NUP88: variants seen among roughly 807,000 people sequenced by gnomAD.
NUP88 encodes nuclear pore complex protein Nup88.
NUP88 carries 57 observed loss-of-function variants against 93.9 expected under a neutral mutation model. The observed-to-expected ratio is 0.61, with a 90% CI of 0.49 to 0.76. NUP88 has a LOEUF of 0.76. Ranked by LOEUF, NUP88 falls within the 30% of genes least tolerant of loss-of-function variation. The probability of loss-of-function intolerance (pLI) is 0.00; values close to 1 mark genes in which losing one functional copy is unlikely to be tolerated. For missense variants in NUP88, 911 were observed against 901.0 expected (o/e 1.01, Z -0.14); for synonymous variants, 346 against 336.8 (o/e 1.03, Z -0.30).
rs74693108 is a variant in NUP88, at chr17:5,390,181, A to T, written c.1485-1221T>A. ...TCCGTCTCAAAAAAAAAAAAAAAAA[A>T]TATCCAGACAATTAATGTTTATTTT... On this transcript the variant is annotated intron_variant, in intron 10 of 16. Coordinates refer to ENST00000573584, the MANE Select transcript of NUP88 (RefSeq NM_002532.6). Among the ~76,000 whole-genome samples, 49 of 147,818 alleles carry T rather than the reference A, an allele frequency of 3.3e-4. 1 individual carries two copies. Among genetic ancestry groups the T allele is most frequent in the Non-Finnish European group, 2.8e-4 (19 of 67,284 alleles).
At chr17:5,398,055 C>T (rs947598778) in intron 8 of NUP88, among the ~76,000 whole-genome samples, 2 of 151,694 alleles carry the variant, frequency 1.3e-5, no homozygotes, top group Non-Finnish European at 2.9e-5. Flanking sequence ...TACAGGCATC[C>T]GCCACTATGC....
chr17:5,389,343 A>G (rs1912259646), intron 10 of NUP88, among the ~76,000 whole-genome samples: 1 of 152,260 alleles, frequency 6.6e-6, no homozygotes, highest in Admixed American at 6.5e-5. Context: ...AAACTGCTGT[A>G]TATACCATAT....
intron 9 of NUP88, among the ~76,000 whole-genome samples, chr17:5,394,178 C>G (rs1248298341): frequency 6.6e-6 from 1 of 152,066 alleles, no homozygotes; most frequent in Non-Finnish European, 1.5e-5. Flanking sequence ...ACTGTCAGCA[C>G]TGAAGCCATG....
At chr17:5,395,965 C>T (rs568870005) in intron 8 of NUP88, among the ~76,000 whole-genome samples, 2 of 152,264 alleles carry the variant, frequency 1.3e-5, no homozygotes, top group African/African-American at 4.8e-5. Context: ...ATTCCCAGCA[C>T]TTTCGGAGGC....
At chr17:5,399,718 G>T (rs1234379804) in intron 7 of NUP88, 68 bp from the exon 8 acceptor site, 1 of 778,334 alleles carries the variant, frequency 1.3e-6, no homozygotes, top group South Asian at 1.7e-5. Flanking sequence ...CCTCAAATTT[G>T]TTGGCTACTC....
At chr17:5,407,102 G>C (rs970455741) in intron 5 of NUP88, among the ~76,000 whole-genome samples, 2 of 152,160 alleles carry the variant, frequency 1.3e-5, no homozygotes, top group Non-Finnish European at 2.9e-5. Context: ...GTGAAAGGCA[G>C]AGAACATTTC....
chr17:5,403,633 C>T (rs1176867245), intron 7 of NUP88, among the ~76,000 whole-genome samples: 1 of 150,802 alleles, frequency 6.6e-6, no homozygotes, highest in African/African-American at 2.4e-5. Flanking sequence ...AGACTCCAGC[C>T]TGGGTGACAG....
In NUP88 at chr17:5,387,587, C is replaced by A; in HGVS notation, c.1835+18G>T. 6.2e-7 allele frequency: 1 copy of A among 1,609,124 alleles called. No individual in the cohort carries two copies. Among genetic ancestry groups the A allele is most frequent in the Non-Finnish European group, 8.5e-7 (1 of 1,176,034 alleles). ...AGTCTTACTGACCTATTGTATTCTT[C>A]TTATTTTTGACACTTACCTCTCTTC... On this transcript the variant is annotated intron_variant, in intron 13 of 16. Transcript: ENST00000573584.
In NUP88 at chr17:5,388,968, ATAAG is replaced by A. The variant is rs746355603; in HGVS notation, c.1485-12_1485-9del. ...GCTGGATGGACTGTACTTCTGCAAA[ATAAG>A]TAAGTAAATTGAATTCTACCATGGA... On this transcript the variant is annotated splice_polypyrimidine_tract_variant and intron_variant, in intron 10 of 16. Transcript: ENST00000573584. 5.9e-5 allele frequency: 94 copies of A among 1,591,620 alleles called. No homozygotes were observed. The Middle Eastern group carries it at 8.4e-4, about 14-fold the overall frequency.
chr17:5,403,804 T>C (rs1196371779), intron 7 of NUP88, among the ~76,000 whole-genome samples: 1 of 152,226 alleles, frequency 6.6e-6, no homozygotes, highest in Non-Finnish European at 1.5e-5. Flanking sequence ...CCTTTTGACA[T>C]ACCCAGTAGT....
intron 8 of NUP88, among the ~76,000 whole-genome samples, chr17:5,397,624 C>T (rs1300308449): frequency 6.6e-6 from 1 of 152,204 alleles, no homozygotes; most frequent in East Asian, 1.9e-4. Context: ...GGACTTCTAA[C>T]CTACAAAACT....
At chr17:5,401,305 C>T (rs1454845547) in intron 7 of NUP88, among the ~76,000 whole-genome samples, 1 of 152,068 alleles carries the variant, frequency 6.6e-6, no homozygotes, top group African/African-American at 2.4e-5. Context: ...ATCGCTCGAA[C>T]CTGGGAGGTG....
At chr17:5,406,570 T>G (rs1340183899) in intron 5 of NUP88, among the ~76,000 whole-genome samples, 1 of 150,922 alleles carries the variant, frequency 6.6e-6, no homozygotes, top group Non-Finnish European at 1.5e-5. Flanking sequence ...AAAATGGGAT[T>G]TGGGGAAACT....
At chr17:5,390,163 C>CA (rs34058484) in intron 10 of NUP88, among the ~76,000 whole-genome samples, 11,305 of 89,022 alleles carry the variant, frequency 0.13, 598 homozygotes, top group Middle Eastern at 0.16. Context: ...AACTCCGTCT[C>CA]AAAAAAAAAA....
chr17:5,387,480 A>G lies in NUP88; in HGVS notation c.1836-14T>C, dbSNP rs372002118. Reference sequence around the variant, plus strand: ...CGCAGACTTTTCCTAATGATGTAAGACACAAGAGACTCTTGAGGTCCACCC... The same window carrying G: ...CGCAGACTTTTCCTAATGATGTAAGGCACAAGAGACTCTTGAGGTCCACCC... On this transcript the variant is annotated splice_polypyrimidine_tract_variant and intron_variant, in intron 13 of 16. Transcript: ENST00000573584. The G allele has an allele frequency of 6.2e-7, 1 of 1,613,262 alleles. No individual in the cohort carries two copies. The highest frequency in any genetic ancestry group is 1.3e-5 in the African/African-American group (1 of 74,906).
chr17:5,394,193 C>T (rs570126282), intron 9 of NUP88, among the ~76,000 whole-genome samples: 6 of 152,150 alleles, frequency 3.9e-5, no homozygotes, highest in East Asian at 1.9e-4. Context: ...GCCATGATTA[C>T]GGCAGAAGTT....
At chr17:5,389,671 G>A (rs1912282096) in intron 10 of NUP88, among the ~76,000 whole-genome samples, 2 of 151,638 alleles carry the variant, frequency 1.3e-5, no homozygotes, top group African/African-American at 2.4e-5. Flanking sequence ...AGCTACTTGG[G>A]TGGCTGAGGC....
chr17:5,387,849 T>C lies in NUP88; in HGVS notation c.1699A>G (p.Arg567Gly), dbSNP rs1357118993. 4 of 1,613,984 alleles carry C rather than the reference T, an allele frequency of 2.5e-6. No homozygotes were observed. The highest frequency in any genetic ancestry group is 1.7e-5 in the Admixed American group (1 of 59,976). ...PPEECLQLLSRATQVFREQYI... is the reference protein window; with the variant it reads ...PPEECLQLLSGATQVFREQYI... The stretch of plus-strand genomic sequence containing the variant: ...TGCTCTCTGAACACCTGGGTGGCTC[T>C]GCTGAGGAGCTGAAGGCATTCTTCA... Residue 567 changes from arginine to glycine, a missense_variant, in exon 12 of 17, where the codon AGA (arginine) becomes GGA (glycine). Coordinates refer to ENST00000573584, the MANE Select transcript of NUP88 (RefSeq NM_002532.6).
intron 6 of NUP88, 40 bp downstream of exon 6, chr17:5,405,017 G>A: frequency 6.4e-7 from 1 of 1,558,388 alleles, no homozygotes; most frequent in South Asian, 1.1e-5. Flanking sequence ...AACTATGCCA[G>A]GTGTTGAAGA....
Sources: allele counts gnomAD v4.1 joint callset (sites outside exome capture counted in the v4.1 genomes callset), GRCh38; gene constraint gnomAD v4.1.1; transcripts MANE v1.5; gene names NCBI Gene and HGNC (gene_info 2026-07-23, HGNC 2026-07-21).